The following NR3C2 variants were observed in gnomAD, a reference collection of about 807,000 sequenced individuals.
NR3C2 encodes the protein nuclear receptor subfamily 3 group C member 2.
Under a neutral mutation model 86.4 loss-of-function variants are expected in NR3C2, and 15 were observed. The ratio of observed to expected loss-of-function variants is 0.17; its 90% CI spans 0.12 to 0.27. The LOEUF (loss-of-function observed/expected upper bound fraction) is 0.27. Among genes scored for constraint, NR3C2 ranks in the 10% least tolerant of loss-of-function variants. The pLI is 1.00. For missense variants in NR3C2, 960 were observed against 1,195.6 expected, an observed-to-expected ratio of 0.80 and a Z score of 2.91; for synonymous variants, 458 against 450.5, an observed-to-expected ratio of 1.02 and a Z score of -0.21.
chr4:148,258,830 A>G (rs2149870292), intron 3 of NR3C2, among the ~76,000 whole-genome samples: 1 of 152,318 alleles, frequency 6.6e-6, no homozygotes, highest in East Asian at 1.9e-4. Context: ...ATGAATTTCC[A>G]TCGGTGCTTA....
intron 2 of NR3C2, among the ~76,000 whole-genome samples, chr4:148,366,025 C>T (rs887665279): frequency 6.6e-6 from 1 of 152,114 alleles, no homozygotes; most frequent in Non-Finnish European, 1.5e-5. Flanking sequence ...CCCCAGAAAA[C>T]TGTACATCTC....
rs1485241386 is a variant in NR3C2 at position 148,159,029 on chromosome 4, GTTAC to G, written c.2015-4132_2015-4129del. 2.0e-5 allele frequency among the ~76,000 whole-genome samples: 3 copies of G among 152,058 alleles called. No individual in the cohort carries two copies. The East Asian group carries it at 5.8e-4, about 29-fold the overall frequency. ...CTTTTCTAAAAGGGCCAAAAATACG[GTTAC>G]TTAATTCATTATATTTATATCAAAG... On this transcript the variant is annotated intron_variant, in intron 4 of 8. Coordinates refer to ENST00000358102, the MANE Select transcript of NR3C2 (RefSeq NM_000901.5).
intron 5 of NR3C2, among the ~76,000 whole-genome samples, chr4:148,153,313 G>A (rs1489070723): frequency 2.6e-5 from 4 of 152,112 alleles, no homozygotes; most frequent in African/African-American, 9.7e-5. Flanking sequence ...AAGTAGCTGG[G>A]GTTACAGGTG....
intron 7 of NR3C2, 69 bp from the exon 8 acceptor site, chr4:148,114,330 G>A: frequency 3.3e-6 from 5 of 1,531,580 alleles, no homozygotes; most frequent in Non-Finnish European, 4.5e-6. Context: ...GGCAGGTAAA[G>A]TCATATACTG....
chr4:148,131,606 A>G (rs1733048783), intron 6 of NR3C2, among the ~76,000 whole-genome samples: 2 of 152,154 alleles, frequency 1.3e-5, no homozygotes, highest in African/African-American at 4.8e-5. Flanking sequence ...GTTCATTTTT[A>G]TAGTACTTGC....
At chr4:148,439,676 C>G (rs1750239075) in intron 1 of NR3C2, among the ~76,000 whole-genome samples, 2 of 152,314 alleles carry the variant, frequency 1.3e-5, no homozygotes, top group South Asian at 4.1e-4. Flanking sequence ...ATTTGCATAT[C>G]AAAACCTCTG....
At chr4:148,424,432 CTAGG>C (rs1749430835) in intron 2 of NR3C2, among the ~76,000 whole-genome samples, 1 of 152,068 alleles carries the variant, frequency 6.6e-6, no homozygotes, top group Admixed American at 6.5e-5. Context: ...GATTCCACTC[CTAGG>C]TTTTTACTGA....
At chr4:148,337,684 A>C (rs1280462294) in intron 2 of NR3C2, among the ~76,000 whole-genome samples, 3 of 152,172 alleles carry the variant, frequency 2.0e-5, no homozygotes, top group South Asian at 2.1e-4. Context: ...TAACAACTGA[A>C]AGGAATATTA....
intron 2 of NR3C2, among the ~76,000 whole-genome samples, chr4:148,379,462 G>A (rs777839376): frequency 2.0e-5 from 3 of 152,116 alleles, no homozygotes; most frequent in East Asian, 1.9e-4. Context: ...GAGTCCCACC[G>A]GGGATGAGCC....
At chr4:148,098,201 C>T (rs929662319) in intron 8 of NR3C2, among the ~76,000 whole-genome samples, 2 of 152,074 alleles carry the variant, frequency 1.3e-5, no homozygotes, top group African/African-American at 2.4e-5. Context: ...CATTGCTGGT[C>T]GCAACTTTTT....
intron 4 of NR3C2, among the ~76,000 whole-genome samples, chr4:148,178,224 G>A (rs548248597): frequency 6.8e-6 from 1 of 147,074 alleles, no homozygotes; most frequent in African/African-American, 2.4e-5. Flanking sequence ...CCAGCTAGTT[G>A]GTAAGCTGAG....
chr4:148,271,563 A>G (rs567834722), intron 2 of NR3C2, among the ~76,000 whole-genome samples: 2 of 152,284 alleles, frequency 1.3e-5, no homozygotes, highest in East Asian at 1.9e-4. Flanking sequence ...CTTAGCCACC[A>G]TCTTTTCTAG....
At chr4:148,182,570 C>T (rs2149792441) in intron 4 of NR3C2, among the ~76,000 whole-genome samples, 1 of 152,300 alleles carries the variant, frequency 6.6e-6, no homozygotes, top group South Asian at 2.1e-4. Flanking sequence ...CCCATAAAAC[C>T]TATCCTGTAT....
chr4:148,436,599 T>C lies in NR3C2; in HGVS notation c.262A>G (p.Ile88Val). ...NNRPGILTSD[I>V]KTELESKELS... is the part of the protein sequence containing the mutation. ...TCCTTAGATTCCAGCTCAGTTTTAATATCAGATGTTAAAATCCCAGGCCGA... is the reference window on the plus strand; with the variant it reads ...TCCTTAGATTCCAGCTCAGTTTTAACATCAGATGTTAAAATCCCAGGCCGA... Residue 88 changes from isoleucine to valine, a missense_variant, in exon 2 of 9, where the codon ATT becomes GTT. Transcript: ENST00000358102. 1 of 1,614,246 alleles carries C rather than the reference T, an allele frequency of 6.2e-7. No individual in the cohort carries two copies. Among genetic ancestry groups the C allele is most frequent in the Non-Finnish European group, 8.5e-7 (1 of 1,180,042 alleles).
chr4:148,322,823 A>G (rs1424437593), intron 2 of NR3C2, among the ~76,000 whole-genome samples: 14 of 94,148 alleles, frequency 1.5e-4, no homozygotes, highest in South Asian at 4.8e-4. Flanking sequence ...CTTTGGTTTG[A>G]ATGTCCTCCC....
chr4:148,435,689 T>C lies in NR3C2; in HGVS notation c.1172A>G (p.Gln391Arg), dbSNP rs569010694. The change falls in exon 2 of 9, where the codon CAG becomes CGG. Residue 391 changes from glutamine (Q) to arginine (R), a missense_variant. Physicochemically the swap from Gln to Arg is conservative, Grantham distance 43. Transcript: ENST00000358102. ...ESAISNGVTG[Q>R]LNIVQYIKPE... Reference sequence around the variant, plus strand: ...TTTTATGTACTGGACAATATTAAGCTGGCCAGTCACACCATTTGAGATGGC... The same window carrying C: ...TTTTATGTACTGGACAATATTAAGCCGGCCAGTCACACCATTTGAGATGGC... 8.7e-6 allele frequency: 14 copies of C among 1,614,208 alleles called. No homozygotes were observed. In the African/African-American group the frequency reaches 1.5e-4, roughly 17 times the overall value.
intron 4 of NR3C2, among the ~76,000 whole-genome samples, chr4:148,163,235 T>C (rs1734741562): frequency 6.6e-6 from 1 of 152,216 alleles, no homozygotes; most frequent in Non-Finnish European, 1.5e-5. Flanking sequence ...TCTAAGATAA[T>C]AGGTAAGCAG....
At chr4:148,103,999 C>CAAAT (rs1212089131) in intron 8 of NR3C2, among the ~76,000 whole-genome samples, 2 of 152,156 alleles carry the variant, frequency 1.3e-5, no homozygotes. Flanking sequence ...CCCAATTATA[C>CAAAT]AAATATAAAG....
At chr4:148,218,340 C>T (rs919489041) in intron 3 of NR3C2, among the ~76,000 whole-genome samples, 4 of 152,174 alleles carry the variant, frequency 2.6e-5, no homozygotes, top group African/African-American at 9.6e-5. Context: ...GTTGAATAGT[C>T]TATCATATAA....
Sources: gnomAD v4.1 joint callset for allele counts (sites outside exome capture counted in the v4.1 genomes callset) on GRCh38, gnomAD v4.1.1 for gene constraint, MANE v1.5 for transcripts, NCBI Gene and HGNC (gene_info 2026-07-23, HGNC 2026-07-21) for gene names.